ZNF699: variants seen among roughly 807,000 people sequenced by gnomAD.
The protein encoded by ZNF699 is zinc finger protein 699.
Under a neutral mutation model 22.5 loss-of-function variants are expected in ZNF699, and 18 were observed. The ratio of observed to expected loss-of-function variants is 0.80; its 90% CI spans 0.55 to 1.19. The LOEUF is 1.19. ZNF699 is among the 50% of genes most tolerant of loss of function. The probability of loss-of-function intolerance (pLI) is 0.00; values close to 1 mark genes in which losing one functional copy is unlikely to be tolerated. For synonymous variants in ZNF699, 241 were observed against 262.3 expected, an observed-to-expected ratio of 0.92 and a Z score of 0.78; for missense variants, 670 against 763.4, an observed-to-expected ratio of 0.88 and a Z score of 1.44.
intron 3 of ZNF699, among the ~76,000 whole-genome samples, chr19:9,298,614 G>A (rs1284615942): frequency 1.3e-5 from 2 of 151,976 alleles, no homozygotes; most frequent in Non-Finnish European, 2.9e-5. Context: ...TACTAATCTT[G>A]GATAAAGTTA....
rs1192448350 is a variant in ZNF699 at position 9,292,634 on chromosome 19, C to A, written c.*2841G>T. On this transcript the variant is annotated 3_prime_UTR_variant, in exon 6 of 6. Coordinates refer to ENST00000591998, the MANE Select transcript of ZNF699 (RefSeq NM_198535.3). ...ATAAATTATTTAAACCAACAAATTCCCTTTAAAGAGTGAAAAGACAAGACA... is the reference window on the plus strand; with the variant it reads ...ATAAATTATTTAAACCAACAAATTCACTTTAAAGAGTGAAAAGACAAGACA... Among the ~76,000 whole-genome samples the A allele has an allele frequency of 6.6e-6, 1 of 151,894 alleles. No individual in the cohort carries two copies. Among genetic ancestry groups the A allele is most frequent in the East Asian group, 1.9e-4 (1 of 5,188 alleles).
intron 2 of ZNF699, among the ~76,000 whole-genome samples, chr19:9,304,855 G>A (rs557229016): frequency 8.1e-5 from 12 of 147,266 alleles, no homozygotes; most frequent in African/African-American, 3.0e-4. Context: ...CCAGGGAGTC[G>A]AAGGCTACAG....
At position 9,293,678 on chromosome 19, in the gene ZNF699, G is replaced by A. The variant is rs1324194782; in HGVS notation, c.*1797C>T. Among the ~76,000 whole-genome samples the A allele has an allele frequency of 6.6e-6, 1 of 152,034 alleles. No homozygotes were observed. The highest frequency in any genetic ancestry group is 1.5e-5 in the Non-Finnish European group (1 of 68,012). On this transcript the variant is annotated 3_prime_UTR_variant, in exon 6 of 6. Coordinates refer to ENST00000591998, the MANE Select transcript of ZNF699 (RefSeq NM_198535.3). ...GGATGAAGGAACTTCCTAAAGTCTT[G>A]GAAATGTTCTGTTTACCAGGACATG...
Position 9,295,394 on chromosome 19 carries a change from T to G in ZNF699, c.*81A>C. On this transcript the variant is annotated 3_prime_UTR_variant, in exon 6 of 6. Coordinates refer to ENST00000591998, the MANE Select transcript of ZNF699 (RefSeq NM_198535.3). ...GCAACAATTTCCTACTTTCTTACAT[T>G]CATAGGGTGTCTCCACAGTATGAGA... is the stretch of plus-strand genomic sequence containing the variant. 6.7e-7 allele frequency: 1 copy of G among 1,494,496 alleles called. No homozygotes were observed. The highest frequency in any genetic ancestry group is 8.9e-7 in the Non-Finnish European group (1 of 1,123,598). The allele number at this position is 1,494,496 out of a possible 1,614,324, so 92.6% of individuals were successfully genotyped here. A position where few individuals can be genotyped will look rare whatever the true frequency, so the allele number is the denominator to read the frequency against.
rs766475023 is a variant in ZNF699 at position 9,297,783 on chromosome 19, A to C, written c.286+97T>G. On this transcript the variant is annotated intron_variant, in intron 4 of 5. Transcript: ENST00000591998. This position sits in a 1 kb window ranked among gnomAD's most constrained non-coding sequence, Gnocchi z 4.3. ...AATAGTCATCTGAGCTATCTGTGGA[A>C]GATGAGCTTCCTCATATAAAACAAA... 15 of 895,012 alleles carry C rather than the reference A, an allele frequency of 1.7e-5. No homozygotes were observed. Among genetic ancestry groups the C allele is most frequent in the Non-Finnish European group, 2.5e-5 (14 of 556,608 alleles). The allele number at this position is 895,012 out of a possible 1,614,324, so 55.4% of individuals were successfully genotyped here.
chr19:9,305,212 G>A, intron 1 of ZNF699, 88 bp from the exon 2 acceptor site: 1 of 1,028,292 alleles, frequency 9.7e-7, no homozygotes. Flanking sequence ...CCACACTCAT[G>A]AGCCTGGATG....
At chr19:9,306,064 A>G (rs765134781) in intron 1 of ZNF699, among the ~76,000 whole-genome samples, 3 of 150,980 alleles carry the variant, frequency 2.0e-5, no homozygotes, top group Non-Finnish European at 4.4e-5. Context: ...TGTGATACAC[A>G]TGCTAAATCT....
At position 9,292,938 on chromosome 19, in the gene ZNF699, C is replaced by A. The variant is rs1222150520; in HGVS notation, c.*2537G>T. ...TCACCTGAGGTCAGGAGTTCAAGAC[C>A]AACCTGGCCAACATGGTGAAACCCC... On this transcript the variant is annotated 3_prime_UTR_variant, in exon 6 of 6. Coordinates refer to ENST00000591998, the MANE Select transcript of ZNF699 (RefSeq NM_198535.3). Among the ~76,000 whole-genome samples, 2 of 151,418 alleles carry A rather than the reference C, an allele frequency of 1.3e-5. No homozygotes were observed. Among genetic ancestry groups the A allele is most frequent in the Non-Finnish European group, 2.9e-5 (2 of 67,962 alleles).
At position 9,296,285 on chromosome 19, in the gene ZNF699, G is replaced by C. The variant is rs771715386; in HGVS notation, c.1119C>G (p.Ser373Arg). The C allele has an allele frequency of 1.9e-6, 3 of 1,611,402 alleles. No individual in the cohort carries two copies. The African/African-American group carries it at 4.1e-5, about 22-fold the overall frequency. ...YECKECGKAF[S>R]ESSKLTVHGR... ...CATGTACAGTGAGTTTTGAGGACTC[G>C]CTGAAGGCCTTCCCACACTCTTTAC... The change falls in exon 6 of 6, where the codon AGC (serine) becomes AGG (arginine). Residue 373 changes from serine to arginine, a missense_variant. Transcript: ENST00000591998.
intron 3 of ZNF699, among the ~76,000 whole-genome samples, chr19:9,298,424 C>T (rs1260422909): frequency 9.9e-5 from 14 of 142,066 alleles, no homozygotes; most frequent in East Asian, 2.1e-4. Flanking sequence ...CCCGCCCGGG[C>T]GACAGAGCGA....
intron 3 of ZNF699, among the ~76,000 whole-genome samples, chr19:9,299,279 T>C (rs1264247771): frequency 6.6e-6 from 1 of 152,082 alleles, no homozygotes; most frequent in Non-Finnish European, 1.5e-5. Flanking sequence ...GGACCACAGG[T>C]GCCTGCCACC....
Position 9,297,505 on chromosome 19 carries a change from C to G in ZNF699, c.287-26G>C. 1 of 1,535,582 alleles carries G rather than the reference C, an allele frequency of 6.5e-7. No homozygotes were observed. Among genetic ancestry groups the G allele is most frequent in the Non-Finnish European group, 8.7e-7 (1 of 1,151,116 alleles). ...CTGAAACGAAAAAAAGTGAAAGCTT[C>G]CATGAGCCAAGGACTTTTAGCAGAG... On this transcript the variant is annotated intron_variant, in intron 4 of 5. Transcript: ENST00000591998. The surrounding 1 kb of genome is among the most constrained non-coding windows in gnomAD (Gnocchi z 4.3).
Position 9,296,582 on chromosome 19 carries a change from G to A in ZNF699, c.822C>T (p.Ile274=), listed in dbSNP as rs549200814. 134 of 1,613,984 alleles carry A rather than the reference G, an allele frequency of 8.3e-5. 1 individual carries two copies. The Middle Eastern group carries it at 2.0e-3, about 24-fold the overall frequency. ...SFFRAHMKIH[I]GKTNYECKEC... ...CTTTACATTCATAGTTTGTCTTTCC[G>A]ATGTGAATCTTCATATGTGCCCTAA... The change falls in exon 6 of 6, where the codon ATC becomes ATT. Residue 274 remains isoleucine (I), a synonymous_variant. Transcript: ENST00000591998.
rs2066340155 is a variant in ZNF699, at chr19:9,309,648, C to G, written c.-304G>C. 6.6e-6 allele frequency: 1 copy of G among 152,396 alleles called. No individual in the cohort carries two copies. Among genetic ancestry groups the G allele is most frequent in the Admixed American group, 6.5e-5 (1 of 15,290 alleles). The allele number at this position is 152,396 out of a possible 1,614,324, so 9.4% of individuals were successfully genotyped here. A position where few individuals can be genotyped will look rare whatever the true frequency, so the allele number is the denominator to read the frequency against. Reference sequence around the variant, plus strand: ...GGCGGGAGGCCCCGGGCGCGGGGTCCGGACAAGGAGTGGCGGGGAGGCAGC... The same window carrying G: ...GGCGGGAGGCCCCGGGCGCGGGGTCGGGACAAGGAGTGGCGGGGAGGCAGC... On this transcript the variant is annotated 5_prime_UTR_variant, in exon 1 of 6. Transcript: ENST00000591998.
chr19:9,304,696 C>T (rs1029821780), intron 2 of ZNF699, among the ~76,000 whole-genome samples: 6 of 152,116 alleles, frequency 3.9e-5, no homozygotes, highest in Non-Finnish European at 5.9e-5. Flanking sequence ...GAGGCCAAGG[C>T]GGACAGATCA....
chr19:9,294,033 C>A lies in ZNF699; in HGVS notation c.*1442G>T, dbSNP rs1399609985. On this transcript the variant is annotated 3_prime_UTR_variant, in exon 6 of 6. Transcript: ENST00000591998. The stretch of plus-strand genomic sequence containing the variant: ...ACCCTGTGGATGCTTACCTCAATTA[C>A]CAAGGGTAACTTCCCTCACTCTCCA... Among the ~76,000 whole-genome samples the A allele has an allele frequency of 6.6e-6, 1 of 152,038 alleles. No individual in the cohort carries two copies. The highest frequency in any genetic ancestry group is 1.5e-5 in the Non-Finnish European group (1 of 68,002).
Position 9,295,001 on chromosome 19 carries a change from T to C in ZNF699, c.*474A>G, listed in dbSNP as rs959015606. 6.4e-6 allele frequency: 1 copy of C among 155,398 alleles called. No homozygotes were observed. The highest frequency in any genetic ancestry group is 2.4e-5 in the African/African-American group (1 of 41,388). 9.6% of individuals were successfully genotyped at this position (155,398 alleles called of 1,614,324 possible). A position where few individuals can be genotyped will look rare whatever the true frequency, so the allele number is the denominator to read the frequency against. On this transcript the variant is annotated 3_prime_UTR_variant, in exon 6 of 6. Transcript: ENST00000591998. Reference sequence around the variant, plus strand: ...TAACGACTACCCATTTAAAGAACAATGAACATTAATTAGAAACCACTTTTT... The same window carrying C: ...TAACGACTACCCATTTAAAGAACAACGAACATTAATTAGAAACCACTTTTT...
At position 9,302,196 on chromosome 19, in the gene ZNF699, C is replaced by T. The variant is rs556349059; in HGVS notation, c.175+182G>A. On this transcript the variant is annotated intron_variant, in intron 3 of 5. Transcript: ENST00000591998. ...GGATTACAGGCATGAGCACTGCGCC[C>T]GGCCCAGGTGTTTATTTTCATAGCA... is the stretch of plus-strand genomic sequence containing the variant. Among the ~76,000 whole-genome samples, 13 of 152,268 alleles carry T rather than the reference C, an allele frequency of 8.5e-5. No individual in the cohort carries two copies. In the East Asian group the frequency reaches 1.7e-3, roughly 20 times the overall value.
rs1396955746 is a variant in ZNF699, at chr19:9,293,670, A to G, written c.*1805T>C. 2.6e-5 allele frequency among the ~76,000 whole-genome samples: 4 copies of G among 152,206 alleles called. No individual in the cohort carries two copies. Among genetic ancestry groups the G allele is most frequent in the Non-Finnish European group, 4.4e-5 (3 of 68,026 alleles). On this transcript the variant is annotated 3_prime_UTR_variant, in exon 6 of 6. Transcript: ENST00000591998. ...GAGAAAGAGGATGAAGGAACTTCCTAAAGTCTTGGAAATGTTCTGTTTACC... is the reference window on the plus strand; with the variant it reads ...GAGAAAGAGGATGAAGGAACTTCCTGAAGTCTTGGAAATGTTCTGTTTACC...
Sources: gnomAD v4.1 joint callset for allele counts (sites outside exome capture counted in the v4.1 genomes callset) on GRCh38, gnomAD v4.1.1 for gene constraint, Gnocchi (gnomAD v3.1) non-coding constraint, MANE v1.5 for transcripts, NCBI Gene and HGNC (gene_info 2026-07-23, HGNC 2026-07-21) for gene names.